The following ADPRS variants were observed in gnomAD, a reference collection of about 807,000 sequenced individuals.
ADPRS encodes the protein ADP-ribosylhydrolase ARH3.
ADPRS carries 25 observed loss-of-function variants against 32.1 expected under a neutral mutation model. That is an observed-to-expected ratio of 0.78 (90% confidence interval 0.57 to 1.09). ADPRS has a LOEUF of 1.09. Among genes scored for constraint, ADPRS ranks in the 50% least tolerant of loss-of-function variants. The probability of loss-of-function intolerance (pLI) is 0.00; values close to 1 mark genes in which losing one functional copy is unlikely to be tolerated. For missense variants in ADPRS, 482 were observed against 480.6 expected (o/e 1.00, Z -0.03); for synonymous variants, 225 against 201.0 (o/e 1.12, Z -1.01).
chr1:36,091,541 C>T, intron 2 of ADPRS, 77 bp from the exon 3 acceptor site: 1 of 1,416,414 alleles, frequency 7.1e-7, no homozygotes, highest in Non-Finnish European at 9.6e-7. Flanking sequence ...TTTTTCCAAA[C>T]TAGCCTCGAT....
rs761309833 is a variant in ADPRS, at chr1:36,092,076, C to A, written c.683C>A (p.Ser228Tyr). 3.1e-6 allele frequency: 5 copies of A among 1,610,180 alleles called. No individual in the cohort carries two copies. Among genetic ancestry groups the A allele is most frequent in the Non-Finnish European group, 4.2e-6 (5 of 1,177,704 alleles). Residue 228 changes from serine (S) to tyrosine (Y), a missense_variant, in exon 4 of 6, where the codon TCC becomes TAC. Physicochemically the swap from Ser to Tyr is moderately radical, Grantham distance 144. Transcript: ENST00000373178. ...HMEDLEGDAQ[S>Y]VLDARELGME... ...GAGGATCTGGAGGGTGATGCCCAGT[C>A]CGTCTTGGATGCCAGGGAGTGAGTA...
Position 36,091,320 on chromosome 1 carries a change from C to CAT in ADPRS, c.288_289insAT (p.Glu97MetfsTer25). 1 of 1,614,134 alleles carries CAT rather than the reference C, an allele frequency of 6.2e-7. No individual in the cohort carries two copies. The highest frequency in any genetic ancestry group is 8.5e-7 in the Non-Finnish European group (1 of 1,180,020). On this transcript the variant is annotated frameshift_variant, in exon 2 of 6. Coordinates refer to ENST00000373178, the MANE Select transcript of ADPRS (RefSeq NM_017825.3). LOFTEE classifies it high-confidence loss of function. The stretch of plus-strand genomic sequence containing the variant: ...CCCTGCTAGCCAAGGAGGCCTTTGA[C>CAT]GAGGTGGACATGGCTCACAGGTGAG...
chr1:36,090,886 C>G (rs934253177), intron 1 of ADPRS, among the ~76,000 whole-genome samples: 1 of 151,814 alleles, frequency 6.6e-6, no homozygotes, highest in Non-Finnish European at 1.5e-5. Context: ...AAAAGGTGAG[C>G]AGGGCCAGGC....
rs754435618 is a variant in ADPRS, at chr1:36,093,345, A to G, written c.1051A>G (p.Ile351Val). 6.2e-7 allele frequency: 1 copy of G among 1,614,222 alleles called. No homozygotes were observed. The highest frequency in any genetic ancestry group is 8.5e-7 in the Non-Finnish European group (1 of 1,180,036). ...CTGTGAAGGCTACGAGGAGACAGAC[A>G]TCCTGGCCCAAAGCCTGCACCGTGT... ...QSCEGYEETD[I>V]LAQSLHRVFQ... is the part of the protein sequence containing the mutation. Residue 351 changes from isoleucine to valine, a missense_variant, in exon 6 of 6, where the codon ATC becomes GTC. Coordinates refer to ENST00000373178, the MANE Select transcript of ADPRS (RefSeq NM_017825.3).
intron 2 of ADPRS, 99 bp from the exon 3 acceptor site, chr1:36,091,519 C>CT: frequency 7.6e-7 from 1 of 1,308,456 alleles, no homozygotes. Flanking sequence ...CTTAGGCCCC[C>CT]GAGGCTTTCT....
In ADPRS at chr1:36,093,574, C is replaced by A. The variant is rs1323940598; in HGVS notation, c.*188C>A. On this transcript the variant is annotated 3_prime_UTR_variant, in exon 6 of 6. Coordinates refer to ENST00000373178, the MANE Select transcript of ADPRS (RefSeq NM_017825.3). ...AACAGCGAGCAAGGGACTGGTGCCT[C>A]GCTGGTGCTGGGTCTCTGGTTTGCT... 2.8e-6 allele frequency: 2 copies of A among 714,616 alleles called. No individual in the cohort carries two copies. Among genetic ancestry groups the A allele is most frequent in the Non-Finnish European group, 4.5e-6 (2 of 445,338 alleles). The allele number at this position is 714,616 out of a possible 1,614,324, so 44.3% of individuals were successfully genotyped here.
chr1:36,091,563 C>G, intron 2 of ADPRS, 55 bp from the exon 3 acceptor site: 1 of 1,498,964 alleles, frequency 6.7e-7, no homozygotes, highest in South Asian at 1.3e-5. Flanking sequence ...TCTTCTCTCC[C>G]AACCCTTAGA....
chr1:36,090,891 C>T (rs1301696591), intron 1 of ADPRS, among the ~76,000 whole-genome samples: 1 of 151,836 alleles, frequency 6.6e-6, no homozygotes, highest in African/African-American at 2.4e-5. Flanking sequence ...GTGAGCAGGG[C>T]CAGGCACAGT....
chr1:36,091,486 A>G (rs1643482602), intron 2 of ADPRS, 132 bp from the exon 3 acceptor site: 2 of 1,200,496 alleles, frequency 1.7e-6, no homozygotes, highest in East Asian at 5.0e-5. Context: ...AAGCTAAAAC[A>G]GCAGCACTGC....
Position 36,089,010 on chromosome 1 carries a change from G to A in ADPRS, c.106G>A (p.Val36Met). 6.8e-7 allele frequency: 1 copy of A among 1,479,042 alleles called. No homozygotes were observed. The highest frequency in any genetic ancestry group is 1.5e-5 in the African/African-American group (1 of 67,852). 91.6% of individuals were successfully genotyped at this position (1,479,042 alleles called of 1,614,324 possible). A position where few individuals can be genotyped will look rare whatever the true frequency, so the allele number is the denominator to read the frequency against. Residue 36 changes from valine to methionine, a missense_variant, in exon 1 of 6, where the codon GTG becomes ATG. Coordinates refer to ENST00000373178, the MANE Select transcript of ADPRS (RefSeq NM_017825.3). The part of the protein sequence containing the change: ...CLAGALLGDC[V>M]GSFYEAHDTV... ...GGCTGGCGCGCTGCTCGGGGACTGC[G>A]TGGGCTCCTTCTACGAGGCCCACGA... is the stretch of plus-strand genomic sequence containing the variant.
chr1:36,091,839 G>T lies in ADPRS; in HGVS notation c.516+14G>T. ...GATGTGCAGAAGGTATTCAGGGCGG[G>T]CTGGCTTCTGGGCTGTCCCCTTCCT... On this transcript the variant is annotated intron_variant, in intron 3 of 5. Transcript: ENST00000373178. 1 of 1,588,552 alleles carries T rather than the reference G, an allele frequency of 6.3e-7. No homozygotes were observed. The highest frequency in any genetic ancestry group is 8.6e-7 in the Non-Finnish European group (1 of 1,163,022).
intron 1 of ADPRS, 92 bp downstream of exon 1, chr1:36,089,207 GGAT>G: frequency 7.5e-7 from 1 of 1,328,858 alleles, no homozygotes; most frequent in Non-Finnish European, 9.7e-7. Flanking sequence ...GGGTGCGCGG[GGAT>G]GAGGCTGCCG....
Position 36,088,957 on chromosome 1 carries a change from G to A in ADPRS, c.53G>A (p.Arg18His), listed in dbSNP as rs979224330. 4 of 1,507,350 alleles carry A rather than the reference G, an allele frequency of 2.7e-6. No homozygotes were observed. The highest frequency in any genetic ancestry group is 2.2e-5 in the Admixed American group (1 of 45,318). The allele number at this position is 1,507,350 out of a possible 1,614,324, so 93.4% of individuals were successfully genotyped here. Reference sequence around the variant, plus strand: ...GCAGGTGGAGGGGCTGGCGCGGCCCGCTCCCTCTCGCGCTTCCGAGGCTGC... The same window carrying A: ...GCAGGTGGAGGGGCTGGCGCGGCCCACTCCCTCTCGCGCTTCCGAGGCTGC... ...AAAGGGAGAA[R>H]SLSRFRGCLA... The change falls in exon 1 of 6, where the codon CGC becomes CAC. Residue 18 changes from arginine (R) to histidine (H), a missense_variant. Arg to His is a conservative substitution (Grantham distance 29). Transcript: ENST00000373178.
rs560312697 is a variant in ADPRS, at chr1:36,093,366, C to T, written c.1072C>T (p.Arg358Cys). Residue 358 changes from arginine to cysteine, a missense_variant, in exon 6 of 6, where the codon CGT (arginine) becomes TGT (cysteine). Coordinates refer to ENST00000373178, the MANE Select transcript of ADPRS (RefSeq NM_017825.3). ...AGACATCCTGGCCCAAAGCCTGCAC[C>T]GTGTCTTCCAGAAGAGTTGATGAGG... ...ETDILAQSLH[R>C]VFQKS is the part of the protein sequence containing the mutation. The T allele has an allele frequency of 4.2e-5, 67 of 1,613,708 alleles. No individual in the cohort carries two copies. Among genetic ancestry groups the T allele is most frequent in the Admixed American group, 1.0e-4 (6 of 60,024 alleles).
Position 36,091,249 on chromosome 1 carries a change from T to C in ADPRS, c.217T>C (p.Leu73=). The C allele has an allele frequency of 6.2e-7, 1 of 1,613,890 alleles. No individual in the cohort carries two copies. Among genetic ancestry groups the C allele is most frequent in the Non-Finnish European group, 8.5e-7 (1 of 1,179,850 alleles). ...GTPGSERTEA[L]YYTDDTAMAR... ...CCTCCCTCCTCTCCCCACAGAAGCC[T>C]TGTACTACACAGATGACACAGCCAT... Residue 73 remains leucine, a synonymous_variant, in exon 2 of 6, where the codon TTG becomes CTG. Transcript: ENST00000373178.
At chr1:36,090,256 T>G (rs1643460684) in intron 1 of ADPRS, among the ~76,000 whole-genome samples, 1 of 151,932 alleles carries the variant, frequency 6.6e-6, no homozygotes, top group Admixed American at 6.6e-5. Context: ...GTCCAGGAGT[T>G]CGAGACTAGC....
Position 36,093,468 on chromosome 1 carries a change from T to C in ADPRS, c.*82T>C. 6.6e-7 allele frequency: 1 copy of C among 1,523,510 alleles called. No homozygotes were observed. The allele number at this position is 1,523,510 out of a possible 1,614,324, so 94.4% of individuals were successfully genotyped here. The stretch of plus-strand genomic sequence containing the variant: ...ATCAGAAACCCTGCGCTTCCTTGAG[T>C]GTGGCTTCCCACTTTTCCTGCATTG... On this transcript the variant is annotated 3_prime_UTR_variant, in exon 6 of 6. Transcript: ENST00000373178.
intron 2 of ADPRS, 123 bp downstream of exon 2, chr1:36,091,463 GGCAC>G (rs1643482328): frequency 8.2e-7 from 1 of 1,226,154 alleles, no homozygotes; most frequent in Admixed American, 2.1e-5. Flanking sequence ...GTGTCAGGCT[GGCAC>G]AGCTTCCCAA....
chr1:36,092,406 C>G lies in ADPRS; in HGVS notation c.702-16C>G. The G allele has an allele frequency of 6.2e-7, 1 of 1,613,286 alleles. No individual in the cohort carries two copies. The highest frequency in any genetic ancestry group is 8.5e-7 in the Non-Finnish European group (1 of 1,179,288). ...CTGCTAGCTCTGACCTCCCTGAAATCTCCCCTAAACCACAGGTTGGGCATG... is the reference window on the plus strand; with the variant it reads ...CTGCTAGCTCTGACCTCCCTGAAATGTCCCCTAAACCACAGGTTGGGCATG... On this transcript the variant is annotated splice_polypyrimidine_tract_variant and intron_variant, in intron 4 of 5. Transcript: ENST00000373178.
Sources: gnomAD v4.1 joint callset for allele counts (sites outside exome capture counted in the v4.1 genomes callset) on GRCh38, gnomAD v4.1.1 for gene constraint, MANE v1.5 for transcripts, NCBI Gene and HGNC (gene_info 2026-07-23, HGNC 2026-07-21) for gene names.